CTNNA3: variants seen among roughly 807,000 people sequenced by gnomAD.
CTNNA3 encodes catenin alpha 3, also known as catenin alpha-3.
CTNNA3 carries 76 observed loss-of-function variants against 95.7 expected under a neutral mutation model. That is an observed-to-expected ratio of 0.79 (90% CI 0.66 to 0.96). The LOEUF (loss-of-function observed/expected upper bound fraction) is 0.96. Ranked by LOEUF, CTNNA3 falls within the 40% of genes least tolerant of loss-of-function variation. The pLI, the probability that CTNNA3 is intolerant of heterozygous loss-of-function variation, is 0.00. For synonymous variants in CTNNA3, 431 were observed against 374.4 expected, an observed-to-expected ratio of 1.15 and a Z score of -1.74; for missense variants, 1,191 against 1,089.8, an observed-to-expected ratio of 1.09 and a Z score of -1.31.
intron 11 of CTNNA3, among the ~76,000 whole-genome samples, chr10:66,384,089 CATA>C (rs1184621676): frequency 1.3e-5 from 2 of 152,120 alleles, no homozygotes; most frequent in African/African-American, 4.8e-5. Context: ...CAAATTCACA[CATA>C]ATAATACTAA....
At chr10:66,692,108 A>ATG (rs1236256623) in intron 9 of CTNNA3, among the ~76,000 whole-genome samples, 1 of 152,222 alleles carries the variant, frequency 6.6e-6, no homozygotes, top group African/African-American at 2.4e-5. Flanking sequence ...ACAAAGCTGG[A>ATG]CAGAGAATGA....
At chr10:66,999,078 T>A (rs1159026084) in intron 7 of CTNNA3, among the ~76,000 whole-genome samples, 2 of 152,128 alleles carry the variant, frequency 1.3e-5, no homozygotes, top group African/African-American at 2.4e-5. Context: ...CAAAAGTTAA[T>A]AAAATTGGAA....
chr10:67,276,740 A>G (rs1321687054), intron 5 of CTNNA3, among the ~76,000 whole-genome samples: 1 of 152,100 alleles, frequency 6.6e-6, no homozygotes, highest in African/African-American at 2.4e-5. Flanking sequence ...ATGAAACAAG[A>G]TGGATCGTGA....
intron 13 of CTNNA3, among the ~76,000 whole-genome samples, chr10:66,225,726 T>A (rs1205721627): frequency 6.6e-6 from 1 of 151,840 alleles, no homozygotes; most frequent in African/African-American, 2.4e-5. Flanking sequence ...TTTCTCCACA[T>A]CCTCACCAAC....
At chr10:67,410,131 A>T (rs1286809985) in intron 5 of CTNNA3, among the ~76,000 whole-genome samples, 3 of 152,176 alleles carry the variant, frequency 2.0e-5, no homozygotes, top group Non-Finnish European at 4.4e-5. Flanking sequence ...GATAGACTGG[A>T]TTAAAAAATG....
upstream of CTNNA3, chr10:67,696,307 C>T (rs1840963407): frequency 6.6e-6 from 1 of 152,116 alleles, no homozygotes; most frequent in Admixed American, 6.5e-5. Context: ...CATACTTTGC[C>T]TAGAGACCTA....
intron 7 of CTNNA3, among the ~76,000 whole-genome samples, chr10:67,048,129 G>A (rs1388680034): frequency 6.6e-6 from 1 of 151,810 alleles, no homozygotes; most frequent in Non-Finnish European, 1.5e-5. Context: ...TTCCCTTCAC[G>A]GTCTTCCTCC....
chr10:66,559,873 C>T (rs552756571), intron 10 of CTNNA3, among the ~76,000 whole-genome samples: 47 of 152,126 alleles, frequency 3.1e-4, no homozygotes, highest in Non-Finnish European at 2.9e-5. Flanking sequence ...TTCTCTTATG[C>T]AATTTTACTT....
At chr10:66,137,119 T>C (rs1331328051) in intron 13 of CTNNA3, among the ~76,000 whole-genome samples, 2 of 152,110 alleles carry the variant, frequency 1.3e-5, no homozygotes, top group African/African-American at 2.4e-5. Context: ...CTAGTTCACA[T>C]AATTTAATGT....
intron 13 of CTNNA3, among the ~76,000 whole-genome samples, chr10:66,104,962 T>C (rs1226305060): frequency 1.3e-5 from 2 of 152,234 alleles, no homozygotes; most frequent in Non-Finnish European, 2.9e-5. Context: ...TCCTATTCAT[T>C]AATGGCTTCA....
At chr10:67,116,440 G>A (rs1859193179) in intron 7 of CTNNA3, among the ~76,000 whole-genome samples, 1 of 151,926 alleles carries the variant, frequency 6.6e-6, no homozygotes, top group East Asian at 1.9e-4. Flanking sequence ...TCCCTTGGGA[G>A]GTAGGGAGCC....
At chr10:66,349,538 G>A (rs2092550872) in intron 12 of CTNNA3, among the ~76,000 whole-genome samples, 1 of 152,020 alleles carries the variant, frequency 6.6e-6, no homozygotes, top group Non-Finnish European at 1.5e-5. Flanking sequence ...GCTCATGAAG[G>A]AAAAGAAAAA....
chr10:67,548,751 T>G (rs1026997838), intron 3 of CTNNA3, among the ~76,000 whole-genome samples: 5 of 151,724 alleles, frequency 3.3e-5, no homozygotes, highest in African/African-American at 9.7e-5. Flanking sequence ...AAAAAATTGA[T>G]GAACTGGACA....
intron 12 of CTNNA3, among the ~76,000 whole-genome samples, chr10:66,333,426 G>A (rs2092355688): frequency 6.6e-6 from 1 of 151,864 alleles, no homozygotes; most frequent in Admixed American, 6.6e-5. Flanking sequence ...CTGGTATGTT[G>A]TGTCTTTGTT....
At chr10:66,027,025 T>C (rs1326118648) in intron 15 of CTNNA3, among the ~76,000 whole-genome samples, 2 of 152,078 alleles carry the variant, frequency 1.3e-5, no homozygotes, top group Non-Finnish European at 2.9e-5. Context: ...ATAAAACAAA[T>C]GGATATAAAG....
chr10:66,951,996 T>C (rs1848561682), intron 7 of CTNNA3, among the ~76,000 whole-genome samples: 1 of 152,196 alleles, frequency 6.6e-6, no homozygotes, highest in Non-Finnish European at 1.5e-5. Context: ...GCTAGTGACC[T>C]TGACAAATTG....
At chr10:66,367,377 T>C in intron 12 of CTNNA3, among the ~76,000 whole-genome samples, 1 of 151,958 alleles carries the variant, frequency 6.6e-6, no homozygotes, top group East Asian at 1.9e-4. Flanking sequence ...GTAAGATAAC[T>C]CTTTTCCAAA....
chr10:67,218,418 G>A (rs1864488601), intron 6 of CTNNA3, among the ~76,000 whole-genome samples: 1 of 152,134 alleles, frequency 6.6e-6, no homozygotes, highest in Non-Finnish European at 1.5e-5. Flanking sequence ...TACAGGCCTG[G>A]CCATTTCTGC....
At chr10:67,321,412 A>G (rs1475691902) in intron 5 of CTNNA3, among the ~76,000 whole-genome samples, 3 of 152,162 alleles carry the variant, frequency 2.0e-5, no homozygotes, top group Non-Finnish European at 4.4e-5. Flanking sequence ...TCTACTCTTC[A>G]TTCCTACTTA....
Sources: allele counts gnomAD v4.1 joint callset (sites outside exome capture counted in the v4.1 genomes callset), GRCh38; gene constraint gnomAD v4.1.1; transcripts MANE v1.5; gene names NCBI Gene and HGNC (gene_info 2026-07-23, HGNC 2026-07-21).